The following TGM6 variants were observed in gnomAD, a reference collection of about 807,000 sequenced individuals.
TGM6 encodes the protein protein-glutamine gamma-glutamyltransferase 6.
TGM6 carries 74 observed loss-of-function variants against 77.5 expected under a neutral mutation model. That is an observed-to-expected ratio of 0.96 (90% confidence interval 0.79 to 1.16). The LOEUF is 1.16. TGM6 is among the 50% of genes most tolerant of loss of function. The probability of loss-of-function intolerance (pLI) is 0.00; values close to 1 mark genes in which losing one functional copy is unlikely to be tolerated. For missense variants in TGM6, 968 were observed against 940.2 expected, an observed-to-expected ratio of 1.03 and a Z score of -0.39; for synonymous variants, 383 against 378.9, an observed-to-expected ratio of 1.01 and a Z score of -0.12.
chr20:2,431,677 G>T (rs2084924902), intron 12 of TGM6, among the ~76,000 whole-genome samples: 1 of 152,236 alleles, frequency 6.6e-6, no homozygotes, highest in Admixed American at 6.5e-5. Flanking sequence ...TCCAAGGTCT[G>T]GGGGAGCAAA....
At chr20:2,426,860 T>C (rs1007768791) in intron 10 of TGM6, among the ~76,000 whole-genome samples, 1 of 152,214 alleles carries the variant, frequency 6.6e-6, no homozygotes, top group Admixed American at 6.5e-5. Flanking sequence ...TAAATCCCAC[T>C]TGATCATAGC....
chr20:2,396,484 G>A (rs186341114), intron 3 of TGM6, 22 bp from the exon 4 acceptor site: 60 of 1,610,832 alleles, frequency 3.7e-5, no homozygotes, highest in Admixed American at 1.3e-4. Context: ...AGTCCACACC[G>A]GGCCTGATGA....
chr20:2,399,432 C>T, intron 5 of TGM6, 129 bp from the exon 6 acceptor site: 1 of 1,267,752 alleles, frequency 7.9e-7, no homozygotes, highest in Non-Finnish European at 1.1e-6. Flanking sequence ...CCCTAATTTT[C>T]AGACAGTTAA....
intron 10 of TGM6, among the ~76,000 whole-genome samples, chr20:2,429,874 C>G (rs528602649): frequency 5.5e-4 from 84 of 152,134 alleles, no homozygotes; most frequent in Non-Finnish European, 1.1e-3. Context: ...TGGCCAGGAC[C>G]ACAGGAGCTC....
chr20:2,386,223 C>T (rs1049854661), intron 1 of TGM6, among the ~76,000 whole-genome samples: 1 of 152,126 alleles, frequency 6.6e-6, no homozygotes, highest in African/African-American at 2.4e-5. Flanking sequence ...CCTGCAGAAT[C>T]CTGGACCCCA....
At chr20:2,393,567 T>A (rs893859430) in intron 1 of TGM6, among the ~76,000 whole-genome samples, 1 of 152,160 alleles carries the variant, frequency 6.6e-6, no homozygotes, top group Non-Finnish European at 1.5e-5. Flanking sequence ...AGAGTCTCGC[T>A]CTGTGGCCCA....
At position 2,398,045 on chromosome 20, in the gene TGM6, T is replaced by C. The variant is rs756400750; in HGVS notation, c.671T>C (p.Met224Thr). 6.2e-7 allele frequency: 1 copy of C among 1,614,044 alleles called. No individual in the cohort carries two copies. Among genetic ancestry groups the C allele is most frequent in the Non-Finnish European group, 8.5e-7 (1 of 1,179,992 alleles). Residue 224 changes from methionine to threonine, a missense_variant and splice_region_variant, in exon 5 of 13, where the codon ATG (methionine) becomes ACG (threonine). Met to Thr is a moderately conservative substitution (Grantham distance 81). Coordinates refer to ENST00000202625, the MANE Select transcript of TGM6 (RefSeq NM_198994.3). ...TACGTCACCAGGGTCATCAGTGCCA[T>C]GGTGAGAAGCCCCTCCATCCCTGCA... The part of the protein sequence containing the change: ...PIYVTRVISA[M>T]VNSNNDRGVV...
At chr20:2,407,753 A>AGATG (rs1568663043) in intron 9 of TGM6, among the ~76,000 whole-genome samples, 1 of 152,236 alleles carries the variant, frequency 6.6e-6, no homozygotes, top group African/African-American at 2.4e-5. Flanking sequence ...CCTCCCTGCT[A>AGATG]TGCTAGACTG....
rs147548610 is a variant in TGM6, at chr20:2,394,541, C to T, written c.97C>T (p.Arg33Cys). 9.3e-6 allele frequency: 15 copies of T among 1,611,878 alleles called. No individual in the cohort carries two copies. In the East Asian group the frequency reaches 1.3e-4, roughly 14 times the overall value. ...GTACCCCTGCCCTGAGCTGGTGGTT[C>T]GCAGGGGCCAGTCGTTCAGCCTCAC... ...QEYPCPELVV[R>C]RGQSFSLTLE... Residue 33 changes from arginine to cysteine, a missense_variant, in exon 2 of 13, where the codon CGC becomes TGC. Arg to Cys is a radical substitution (Grantham distance 180). Transcript: ENST00000202625.
rs765093828 is a variant in TGM6 at position 2,403,738 on chromosome 20, G to A, written c.1251G>A (p.Thr417=). The A allele has an allele frequency of 1.9e-5, 31 of 1,614,076 alleles. No individual in the cohort carries two copies. The highest frequency in any genetic ancestry group is 9.3e-5 in the African/African-American group (7 of 74,946). The change falls in exon 9 of 13, where the codon ACG becomes ACA. Residue 417 remains threonine (T), a synonymous_variant. Coordinates refer to ENST00000202625, the MANE Select transcript of TGM6 (RefSeq NM_198994.3). ...GCCGGGAGCGTGTATACTCAAACAC[G>A]AAGAAGATTGGGAGATGCATCAGCA... ...DESRERVYSN[T]KKIGRCISTK...
At position 2,422,118 on chromosome 20, in the gene TGM6, C is replaced by CA. The variant is rs2084860654; in HGVS notation, c.1678+4547dup. Among the ~76,000 whole-genome samples the CA allele has an allele frequency of 3.3e-5, 5 of 152,178 alleles. No individual in the cohort carries two copies. The South Asian group carries it at 1.0e-3, about 32-fold the overall frequency. On this transcript the variant is annotated intron_variant, in intron 10 of 12. Transcript: ENST00000202625. ...GTGCACTCCAGCCTGGGCGATAGAG[C>CA]AAGACTCCATCTCAAAAAAATATAT...
At chr20:2,423,218 T>G (rs2084868006) in intron 10 of TGM6, among the ~76,000 whole-genome samples, 1 of 151,940 alleles carries the variant, frequency 6.6e-6, no homozygotes, top group Non-Finnish European at 1.5e-5. Flanking sequence ...AACAACGAAA[T>G]TCGCCACATT....
In TGM6 at chr20:2,403,391, T is replaced by C. The variant is rs370391681; in HGVS notation, c.990-6T>C. 112 of 1,613,996 alleles carry C rather than the reference T, an allele frequency of 6.9e-5. No individual in the cohort carries two copies. Among genetic ancestry groups the C allele is most frequent in the Non-Finnish European group, 8.9e-5 (105 of 1,180,034 alleles). ...GGCAGCTTCACCCATCCTCTCTCTGTGGCAGGAATTTCCATGTCTGGAATG... is the reference window on the plus strand; with the variant it reads ...GGCAGCTTCACCCATCCTCTCTCTGCGGCAGGAATTTCCATGTCTGGAATG... On this transcript the variant is annotated splice_polypyrimidine_tract_variant and splice_region_variant and intron_variant, in intron 7 of 12. Coordinates refer to ENST00000202625, the MANE Select transcript of TGM6 (RefSeq NM_198994.3).
intron 9 of TGM6, among the ~76,000 whole-genome samples, chr20:2,404,159 A>C (rs1219483208): frequency 6.6e-6 from 1 of 152,238 alleles, no homozygotes. Flanking sequence ...TGATAGTAGC[A>C]GGTATTATTT....
chr20:2,424,092 A>G (rs1194520965), intron 10 of TGM6, among the ~76,000 whole-genome samples: 1 of 152,168 alleles, frequency 6.6e-6, no homozygotes, highest in Non-Finnish European at 1.5e-5. Flanking sequence ...ATTTAGCATA[A>G]TTCTTAAGGG....
At chr20:2,407,488 G>A (rs1475653889) in intron 9 of TGM6, among the ~76,000 whole-genome samples, 1 of 152,066 alleles carries the variant, frequency 6.6e-6, no homozygotes, top group Non-Finnish European at 1.5e-5. Context: ...GCGTGGTGGT[G>A]GTTGCCTGTA....
chr20:2,404,627 C>T (rs1218788245), intron 9 of TGM6, among the ~76,000 whole-genome samples: 2 of 151,340 alleles, frequency 1.3e-5, no homozygotes, highest in Non-Finnish European at 3.0e-5. Context: ...TCATATTTTA[C>T]AGCTCTGGTT....
intron 10 of TGM6, among the ~76,000 whole-genome samples, chr20:2,428,473 G>A (rs2084903487): frequency 6.6e-6 from 1 of 152,106 alleles, no homozygotes; most frequent in Non-Finnish European, 1.5e-5. Flanking sequence ...TGGAGACTGA[G>A]AATTTACATC....
intron 6 of TGM6, 123 bp from the exon 7 acceptor site, chr20:2,400,183 C>CA (rs2084696279): frequency 3.6e-6 from 5 of 1,404,000 alleles, no homozygotes; most frequent in Non-Finnish European, 4.9e-6. Context: ...GAACTAGACA[C>CA]ACAGACAAAG....
Sources: allele counts gnomAD v4.1 joint callset (sites outside exome capture counted in the v4.1 genomes callset), GRCh38; gene constraint gnomAD v4.1.1; transcripts MANE v1.5; gene names NCBI Gene and HGNC (gene_info 2026-07-23, HGNC 2026-07-21).